Variants in TMPRSS2 observed in about 807,000 individuals in gnomAD.
TMPRSS2 encodes transmembrane serine protease 2.
TMPRSS2 carries 59 observed loss-of-function variants against 67.4 expected under a neutral mutation model. The observed-to-expected ratio is 0.88, with a 90% CI of 0.71 to 1.09. The LOEUF is 1.09. TMPRSS2 is among the 50% of genes least tolerant of loss of function. The probability of loss-of-function intolerance (pLI) is 0.00; values close to 1 mark genes in which losing one functional copy is unlikely to be tolerated. For missense variants in TMPRSS2, 668 were observed against 642.7 expected, an observed-to-expected ratio of 1.04 and a Z score of -0.43; for synonymous variants, 257 against 257.0, an observed-to-expected ratio of 1.00 and a Z score of 0.00.
rs1213942008 is a variant in TMPRSS2 at position 41,470,666 on chromosome 21, C to T, written c.1153G>A (p.Gly385Arg). The change falls in exon 11 of 14, where the codon GGG (glycine) becomes AGG (arginine). Residue 385 changes from glycine to arginine, a missense_variant. Transcript: ENST00000332149. Reference protein sequence around the residue: ...PEQLCWISGWGATEEKGKTSE... With the variant: ...PEQLCWISGWRATEEKGKTSE... ...GCCTCACCTTTCTCCTCGGTGGCCC[C>T]CCACCCGGAAATCCAGCAGAGCTGT... 6.2e-7 allele frequency: 1 copy of T among 1,613,554 alleles called. No individual in the cohort carries two copies. The highest frequency in any genetic ancestry group is 2.2e-5 in the East Asian group (1 of 44,886).
chr21:41,502,310 C>A (rs2146505997), intron 1 of TMPRSS2: 1 of 905,280 alleles, frequency 1.1e-6, no homozygotes, highest in Non-Finnish European at 1.3e-6. Flanking sequence ...TGAAGTTAGG[C>A]TTGTAGACAC....
chr21:41,494,666 T>C (rs954711896), intron 2 of TMPRSS2, 88 bp from the exon 3 acceptor site: 7 of 1,171,578 alleles, frequency 6.0e-6, no homozygotes, highest in African/African-American at 3.0e-5. Context: ...ACCACAGCTA[T>C]ACCAATGATC....
chr21:41,466,782 T>C (rs1569007805), intron 13 of TMPRSS2, among the ~76,000 whole-genome samples: 1 of 152,204 alleles, frequency 6.6e-6, no homozygotes. Flanking sequence ...ATAGACTGCT[T>C]TCTTCCACTA....
rs1018304567 is a variant in TMPRSS2 at position 41,473,606 on chromosome 21, C to T, written c.728-110G>A. On this transcript the variant is annotated intron_variant, in intron 8 of 13. Coordinates refer to ENST00000332149, the MANE Select transcript of TMPRSS2 (RefSeq NM_005656.4). The stretch of plus-strand genomic sequence containing the variant: ...CCAGGCTGCAAGGACAGGGCAGGGG[C>T]ACCACTGCTGGGGATGGACTTAGGG... 28 of 1,246,752 alleles carry T rather than the reference C, an allele frequency of 2.2e-5. No individual in the cohort carries two copies. The South Asian group carries it at 2.9e-4, about 13-fold the overall frequency. The allele number at this position is 1,246,752 out of a possible 1,614,324, so 77.2% of individuals were successfully genotyped here.
rs2146483401 is a variant in TMPRSS2, at chr21:41,494,423, C to T, written c.171G>A (p.Leu57=). 1.2e-6 allele frequency: 2 copies of T among 1,612,422 alleles called. No individual in the cohort carries two copies. Among genetic ancestry groups the T allele is most frequent in the Non-Finnish European group, 1.7e-6 (2 of 1,179,556 alleles). Residue 57 remains leucine, a synonymous_variant, in exon 3 of 14, where the codon CTG becomes CTA. Coordinates refer to ENST00000332149, the MANE Select transcript of TMPRSS2 (RefSeq NM_005656.4). ...SPVPQYAPRV[L]TQASNPVVCT... is the part of the protein sequence containing the mutation. ...AGACGACGGGGTTGGAAGCCTGCGT[C>T]AGGACCCTCGGGGCGTACTGGGGCA...
At chr21:41,502,247 C>A (rs193019598) in intron 1 of TMPRSS2, among the ~76,000 whole-genome samples, 2 of 152,338 alleles carry the variant, frequency 1.3e-5, no homozygotes, top group Non-Finnish European at 2.9e-5. Context: ...CTCTGGAGAT[C>A]TCAGGACACG....
intron 9 of TMPRSS2, among the ~76,000 whole-genome samples, chr21:41,472,699 G>A (rs1194355820): frequency 1.3e-5 from 2 of 152,204 alleles, no homozygotes; most frequent in African/African-American, 4.8e-5. Context: ...CACGCAGCAA[G>A]AGAGGGCTGG....
At chr21:41,469,312 C>T (rs1479949929) in intron 11 of TMPRSS2, among the ~76,000 whole-genome samples, 1 of 79,364 alleles carries the variant, frequency 1.3e-5, no homozygotes, top group Admixed American at 1.2e-4. Context: ...TCCACGCCCG[C>T]ACTCTGCTAT....
intron 5 of TMPRSS2, among the ~76,000 whole-genome samples, chr21:41,482,484 C>T (rs541239376): frequency 2.2e-4 from 33 of 152,346 alleles, no homozygotes; most frequent in Non-Finnish European, 3.8e-4. Flanking sequence ...GGAAACAATG[C>T]TGTGTGGTTT....
rs998897783 is a variant in TMPRSS2, at chr21:41,478,904, T to C, written c.683+268A>G. Among the ~76,000 whole-genome samples, 3 of 152,284 alleles carry C rather than the reference T, an allele frequency of 2.0e-5. No homozygotes were observed. Among genetic ancestry groups the C allele is most frequent in the Admixed American group, 6.5e-5 (1 of 15,294 alleles). The stretch of plus-strand genomic sequence containing the variant: ...AAAGAAAACTAAATAGAGTTGAATG[T>C]CGATGTTGCAAGTGTGAGCCGCTAC... On this transcript the variant is annotated intron_variant, in intron 7 of 13. Transcript: ENST00000332149. This position sits in a 1 kb window ranked among gnomAD's most constrained non-coding sequence, Gnocchi z 4.0.
In TMPRSS2 at chr21:41,476,576, C is replaced by G; in HGVS notation, c.727+1G>C. The G allele has an allele frequency of 3.7e-6, 6 of 1,613,346 alleles. No homozygotes were observed. The highest frequency in any genetic ancestry group is 5.1e-6 in the Non-Finnish European group (6 of 1,179,816). On this transcript the variant is annotated splice_donor_variant, in intron 8 of 13. Transcript: ENST00000332149. LOFTEE classifies it high-confidence loss of function. ...AAAAGGGGGACTCCAGATGAACTTA[C>G]CTATACAGCGTAAAGAAACCACTGC...
intron 13 of TMPRSS2, among the ~76,000 whole-genome samples, chr21:41,466,674 T>C (rs566012796): frequency 6.6e-4 from 101 of 152,296 alleles, no homozygotes; most frequent in Non-Finnish European, 1.1e-3. Flanking sequence ...CCGCGTGTCA[T>C]TTGAAGGAGA....
rs1441520659 is a variant in TMPRSS2, at chr21:41,498,185, A to G, written c.-52T>C. 6.2e-7 allele frequency: 1 copy of G among 1,608,350 alleles called. No homozygotes were observed. The highest frequency in any genetic ancestry group is 8.5e-7 in the Non-Finnish European group (1 of 1,175,280). ...ATGATAGGTATCTGGAATGTTCAAT[A>G]TGACCTAGAAGAAAGAATTACAGGA... On this transcript the variant is annotated 5_prime_UTR_variant, in exon 2 of 14. Transcript: ENST00000332149.
rs2091472374 is a variant in TMPRSS2 at position 41,508,139 on chromosome 21, T to A, written c.-115A>T. 1.2e-6 allele frequency: 1 copy of A among 852,884 alleles called. No individual in the cohort carries two copies. Among genetic ancestry groups the A allele is most frequent in the Non-Finnish European group, 1.6e-6 (1 of 623,510 alleles). The allele number at this position is 852,884 out of a possible 1,614,324, so 52.8% of individuals were successfully genotyped here. ...GCCCTCCGCCTCCGCCTCCGCCTCC[T>A]GCTTAGCTCGCGCCTACTCGGCCCG... On this transcript the variant is annotated 5_prime_UTR_variant, in exon 1 of 14. Transcript: ENST00000332149.
Position 41,488,488 on chromosome 21 carries a change from C to T in TMPRSS2, c.351G>A (p.Gly117=), listed in dbSNP as rs200983296. The part of the protein sequence containing the change: ...KFMGSKCSNS[G]IECDSSGTCI... ...AGGTACCTGAGGAGTCGCACTCTAT[C>T]CCAGAGTTGGAGCACTTGCTGCCCA... Residue 117 remains glycine, a synonymous_variant, in exon 5 of 14, where the codon GGG becomes GGA. Transcript: ENST00000332149. The T allele has an allele frequency of 4.9e-5, 79 of 1,613,474 alleles. No homozygotes were observed. The highest frequency in any genetic ancestry group is 6.5e-5 in the Non-Finnish European group (77 of 1,179,642).
At chr21:41,497,398 C>CTAAATGAGGGAGT (rs1423819362) in intron 2 of TMPRSS2, among the ~76,000 whole-genome samples, 1 of 152,180 alleles carries the variant, frequency 6.6e-6, no homozygotes, top group Non-Finnish European at 1.5e-5. Context: ...AATCTCTCAT[C>CTAAATGAGGGAGT]TAAATGAGGG....
At chr21:41,499,470 G>C (rs1180586928) in intron 1 of TMPRSS2, among the ~76,000 whole-genome samples, 4 of 152,028 alleles carry the variant, frequency 2.6e-5, no homozygotes, top group Non-Finnish European at 5.9e-5. Context: ...TCCCACCCTC[G>C]GTATCTGATC....
At chr21:41,488,758 C>T (rs1260229120) in intron 4 of TMPRSS2, among the ~76,000 whole-genome samples, 3 of 152,226 alleles carry the variant, frequency 2.0e-5, no homozygotes, top group Non-Finnish European at 4.4e-5. Flanking sequence ...CTGCCCCAGC[C>T]TCCTAAGTAG....
chr21:41,468,364 G>C (rs770147567), intron 12 of TMPRSS2, 32 bp downstream of exon 12: 5 of 1,612,944 alleles, frequency 3.1e-6, no homozygotes, highest in African/African-American at 1.3e-5. Context: ...GATCTGGTAA[G>C]GACCAAAGGT....
Sources: allele counts gnomAD v4.1 joint callset (sites outside exome capture counted in the v4.1 genomes callset), GRCh38; gene constraint gnomAD v4.1.1; non-coding constraint Gnocchi (gnomAD v3.1); transcripts MANE v1.5; gene names NCBI Gene and HGNC (gene_info 2026-07-23, HGNC 2026-07-21).